The following CELF2 variants were observed in gnomAD, a reference collection of about 807,000 sequenced individuals.
CELF2 encodes CUG triplet repeat RNA-binding protein 2.
Under a neutral mutation model 62.6 loss-of-function variants are expected in CELF2, and 8 were observed. That is an observed-to-expected ratio of 0.13 (90% CI 0.07 to 0.23). The LOEUF (loss-of-function observed/expected upper bound fraction) is 0.23, where lower values mean the gene tolerates loss of function less well. Ranked by LOEUF, CELF2 falls within the 10% of genes least tolerant of loss-of-function variation. CELF2 has a pLI of 1.00. For missense variants in CELF2, 333 were observed against 671.0 expected, an observed-to-expected ratio of 0.50 and a Z score of 5.56; for synonymous variants, 258 against 250.0, an observed-to-expected ratio of 1.03 and a Z score of -0.30.
chr10:10,833,547 T>C (rs1046014435), intron 1 of CELF2, among the ~76,000 whole-genome samples: 2 of 152,168 alleles, frequency 1.3e-5, no homozygotes, highest in African/African-American at 2.4e-5. Flanking sequence ...CACTATGCCT[T>C]GAAACTAGGT....
At chr10:11,254,991 C>T (rs2078261020) in intron 4 of CELF2, among the ~76,000 whole-genome samples, 1 of 152,194 alleles carries the variant, frequency 6.6e-6, no homozygotes, top group Non-Finnish European at 1.5e-5. Flanking sequence ...CCACCAGAAT[C>T]CTCCCATGTT....
the CELF2 span, among the ~76,000 whole-genome samples, chr10:10,697,518 T>C: frequency 6.6e-6 from 1 of 152,142 alleles, no homozygotes; most frequent in African/African-American, 2.4e-5. Flanking sequence ...ACTCGGGGTC[T>C]CCTAAGCAAT....
the CELF2 span, among the ~76,000 whole-genome samples, chr10:10,758,434 T>C: frequency 6.6e-6 from 1 of 152,186 alleles, no homozygotes; most frequent in Non-Finnish European, 1.5e-5. Flanking sequence ...GTCAGGAATA[T>C]GGGCCTGTGA....
intron 2 of CELF2, among the ~76,000 whole-genome samples, chr10:10,967,780 C>A (rs2050292770): frequency 6.6e-6 from 1 of 152,108 alleles, no homozygotes; most frequent in Non-Finnish European, 1.5e-5. Context: ...GCAGCTGGGG[C>A]CCTGGGTCAG....
At chr10:10,583,793 G>A in the CELF2 span, among the ~76,000 whole-genome samples, 1 of 152,166 alleles carries the variant, frequency 6.6e-6, no homozygotes, top group Non-Finnish European at 1.5e-5. Flanking sequence ...TGGAACCCAG[G>A]AGTGGAAGAT....
At chr10:11,097,372 A>G (rs1052729584) in intron 1 of CELF2, 1 of 152,224 alleles carries the variant, frequency 6.6e-6, no homozygotes, top group Non-Finnish European at 1.5e-5. Flanking sequence ...CAGTCTTCTT[A>G]GGTATGAAGA....
At chr10:10,649,676 T>C in the CELF2 span, among the ~76,000 whole-genome samples, 2 of 152,202 alleles carry the variant, frequency 1.3e-5, no homozygotes, top group African/African-American at 4.8e-5. Context: ...GATTCCCTCA[T>C]GCATCTAGAA....
intron 1 of CELF2, among the ~76,000 whole-genome samples, chr10:11,119,061 C>T (rs192935125): frequency 2.4e-4 from 36 of 152,318 alleles, no homozygotes; most frequent in Non-Finnish European, 4.0e-4. Flanking sequence ...TGACCAGCTA[C>T]ATGAACAAGG....
At chr10:10,871,651 A>G (rs2060754952) in intron 1 of CELF2, among the ~76,000 whole-genome samples, 1 of 152,090 alleles carries the variant, frequency 6.6e-6, no homozygotes, top group African/African-American at 2.4e-5. Flanking sequence ...CAAGAAAGAA[A>G]TCCCAATTCA....
intron 1 of CELF2, among the ~76,000 whole-genome samples, chr10:11,126,686 C>A (rs2058755328): frequency 6.6e-6 from 1 of 152,136 alleles, no homozygotes; most frequent in Non-Finnish European, 1.5e-5. Context: ...ATAAAACAGT[C>A]ATATCTGTGA....
chr10:10,980,953 C>T (rs1350496447), intron 2 of CELF2, among the ~76,000 whole-genome samples: 1 of 152,100 alleles, frequency 6.6e-6, no homozygotes, highest in Non-Finnish European at 1.5e-5. Context: ...CTACTCATTA[C>T]CTGGCATGAC....
intron 2 of CELF2, among the ~76,000 whole-genome samples, chr10:10,954,927 G>A (rs754777842): frequency 2.6e-5 from 4 of 152,072 alleles, no homozygotes; most frequent in Admixed American, 6.5e-5. Context: ...TGCATTTATC[G>A]TTTTAAAAAG....
chr10:10,923,474 G>T (rs116968571), intron 2 of CELF2, among the ~76,000 whole-genome samples: 2 of 152,194 alleles, frequency 1.3e-5, no homozygotes, highest in Non-Finnish European at 2.9e-5. Flanking sequence ...GAAAATGTGC[G>T]CATGCTGTAG....
the CELF2 span, among the ~76,000 whole-genome samples, chr10:10,775,333 G>T: frequency 6.6e-6 from 1 of 152,120 alleles, no homozygotes; most frequent in Non-Finnish European, 1.5e-5. Context: ...GGTACAGAGA[G>T]AAAGCAGGAG....
At chr10:11,022,494 A>G (rs1477682688) in intron 1 of CELF2, among the ~76,000 whole-genome samples, 1 of 151,996 alleles carries the variant, frequency 6.6e-6, no homozygotes, top group Non-Finnish European at 1.5e-5. Flanking sequence ...TTAAGATTTC[A>G]TGGGATCATT....
chr10:10,619,197 G>A, the CELF2 span, among the ~76,000 whole-genome samples: 4 of 152,150 alleles, frequency 2.6e-5, no homozygotes, highest in Non-Finnish European at 4.4e-5. Flanking sequence ...TTTTCAAGCT[G>A]TTCTTTGTTA....
In CELF2 at chr10:11,207,649, C is replaced by T. The variant is rs1422946931; in HGVS notation, c.272-9776C>T. Among the ~76,000 whole-genome samples, 1 of 152,228 alleles carries T rather than the reference C, an allele frequency of 6.6e-6. No homozygotes were observed. Among genetic ancestry groups the T allele is most frequent in the African/African-American group, 2.4e-5 (1 of 41,450 alleles). On this transcript the variant is annotated intron_variant, in intron 2 of 12. Transcript: ENST00000633077. The surrounding 1 kb of genome is among the most constrained non-coding windows in gnomAD (Gnocchi z 4.1). ...TCCCAGGGGAATTCCTGGGATGGCA[C>T]TTGGTAATCCAAACCGTGGAGTCCA...
In CELF2 at chr10:10,873,049, T is replaced by C. The variant is rs1414175770; in HGVS notation, c.54-46915T>C. 8.5e-5 allele frequency among the ~76,000 whole-genome samples: 13 copies of C among 152,288 alleles called. No homozygotes were observed. In the East Asian group the frequency reaches 2.5e-3, roughly 29 times the overall value. ...CCTCACTCACTCACATTTGGGTAAA[T>C]GTACACACATCCTTTTATCGGCTTA... On this transcript the variant is annotated intron_variant, in intron 1 of 13. Coordinates refer to the CELF2 transcript ENST00000636488.
the CELF2 span, among the ~76,000 whole-genome samples, chr10:10,484,444 G>A: frequency 6.8e-6 from 1 of 146,560 alleles, no homozygotes; most frequent in African/African-American, 2.6e-5. Context: ...AGCCCCCCAA[G>A]GAGCTGGAAC....
Sources: gnomAD v4.1 joint callset for allele counts (sites outside exome capture counted in the v4.1 genomes callset) on GRCh38, gnomAD v4.1.1 for gene constraint, Gnocchi (gnomAD v3.1) non-coding constraint, MANE v1.5 for transcripts, NCBI Gene and HGNC (gene_info 2026-07-23, HGNC 2026-07-21) for gene names.